The following NKAIN2 variants were observed in gnomAD, a reference collection of about 807,000 sequenced individuals.
The protein encoded by NKAIN2 is sodium/potassium-transporting ATPase subunit beta-1-interacting protein 2.
Under a neutral mutation model 32.6 loss-of-function variants are expected in NKAIN2, and 14 were observed. The ratio of observed to expected loss-of-function variants is 0.43; its 90% CI spans 0.28 to 0.67. NKAIN2 has a LOEUF of 0.67. Ranked by LOEUF, NKAIN2 falls within the 30% of genes least tolerant of loss-of-function variation. The pLI is 0.17. For synonymous variants in NKAIN2, 80 were observed against 87.2 expected, an observed-to-expected ratio of 0.92 and a Z score of 0.46; for missense variants, 198 against 258.3, an observed-to-expected ratio of 0.77 and a Z score of 1.60.
intron 1 of NKAIN2, among the ~76,000 whole-genome samples, chr6:123,890,548 A>T (rs9490989): frequency 0.012 from 1,886 of 152,216 alleles, 42 homozygotes; most frequent in African/African-American, 0.043. Context: ...GAAGAAATGC[A>T]TGTTGGGTAA....
intron 3 of NKAIN2, among the ~76,000 whole-genome samples, chr6:124,392,668 T>C (rs1773193608): frequency 6.6e-6 from 1 of 152,142 alleles, no homozygotes; most frequent in Non-Finnish European, 1.5e-5. Context: ...CAGTTGTACA[T>C]AAAAAGTGTA....
chr6:124,551,175 T>C (rs1292896372), intron 3 of NKAIN2, among the ~76,000 whole-genome samples: 1 of 152,220 alleles, frequency 6.6e-6, no homozygotes, highest in African/African-American at 2.4e-5. Context: ...GTTTTAGTGA[T>C]GTAATGGTGG....
chr6:124,220,586 T>C (rs937446805), intron 1 of NKAIN2, among the ~76,000 whole-genome samples: 1 of 151,492 alleles, frequency 6.6e-6, no homozygotes, highest in African/African-American at 2.4e-5. Context: ...AATTTTTTTC[T>C]TAGAAGAAAT....
intron 3 of NKAIN2, among the ~76,000 whole-genome samples, chr6:124,631,951 T>G (rs1047683289): frequency 6.6e-5 from 10 of 152,262 alleles, no homozygotes; most frequent in African/African-American, 2.4e-4. Flanking sequence ...GTGTATGAGA[T>G]TTGGTATCAC....
chr6:124,015,962 T>G (rs1318728594), intron 1 of NKAIN2, among the ~76,000 whole-genome samples: 1 of 152,228 alleles, frequency 6.6e-6, no homozygotes, highest in Admixed American at 6.5e-5. Context: ...ACAGTCAGTC[T>G]GCATTGCTGT....
At chr6:124,171,193 AT>A (rs1209682152) in intron 1 of NKAIN2, among the ~76,000 whole-genome samples, 1 of 152,120 alleles carries the variant, frequency 6.6e-6, no homozygotes, top group Admixed American at 6.5e-5. Flanking sequence ...TTTTGCAGCC[AT>A]ATTCTTAAGG....
intron 1 of NKAIN2, among the ~76,000 whole-genome samples, chr6:123,843,669 A>G (rs1488525553): frequency 6.6e-6 from 1 of 152,144 alleles, no homozygotes; most frequent in Admixed American, 6.5e-5. Context: ...TGTCCTTATC[A>G]TCACGAAATA....
At chr6:124,299,924 T>G (rs557657196) in intron 2 of NKAIN2, among the ~76,000 whole-genome samples, 11 of 152,340 alleles carry the variant, frequency 7.2e-5, no homozygotes, top group African/African-American at 2.4e-4. Context: ...TTCACATTAT[T>G]TCACATGGTA....
chr6:123,968,081 C>T (rs983342090), intron 1 of NKAIN2, among the ~76,000 whole-genome samples: 4 of 152,182 alleles, frequency 2.6e-5, no homozygotes, highest in African/African-American at 4.8e-5. Context: ...AGCTGGAAAG[C>T]GCAGCCACTT....
intron 3 of NKAIN2, among the ~76,000 whole-genome samples, chr6:124,389,715 TTGTG>T (rs3052704): frequency 0.52 from 74,182 of 141,726 alleles, 19,146 homozygotes; most frequent in South Asian, 0.64. Context: ...CTGTGTACAT[TTGTG>T]TGTGTGTGTG....
At chr6:124,677,875 TAACC>T (rs1450552814) in intron 4 of NKAIN2, among the ~76,000 whole-genome samples, 77 of 152,282 alleles carry the variant, frequency 5.1e-4, no homozygotes, top group African/African-American at 1.8e-3. Context: ...GGACTTCCTT[TAACC>T]TTTCTTTTTA....
At chr6:124,612,862 TA>T (rs1782744151) in intron 3 of NKAIN2, among the ~76,000 whole-genome samples, 1 of 152,196 alleles carries the variant, frequency 6.6e-6, no homozygotes, top group African/African-American at 2.4e-5. Context: ...GGTTATTATC[TA>T]TTATTTGCAT....
At chr6:124,641,529 G>GTTTT (rs1562300001) in intron 3 of NKAIN2, among the ~76,000 whole-genome samples, 2 of 23,832 alleles carry the variant, frequency 8.4e-5, no homozygotes, top group African/African-American at 1.1e-4. Context: ...TAAAACACTA[G>GTTTT]CTTTTTTTTT....
At chr6:123,985,468 C>A (rs886433131) in intron 1 of NKAIN2, among the ~76,000 whole-genome samples, 1 of 152,088 alleles carries the variant, frequency 6.6e-6, no homozygotes, top group Admixed American at 6.6e-5. Flanking sequence ...AGTTAAGGAA[C>A]AAGATGGGTC....
intron 1 of NKAIN2, among the ~76,000 whole-genome samples, chr6:123,872,856 A>T (rs943609380): frequency 6.6e-6 from 1 of 152,204 alleles, no homozygotes; most frequent in Admixed American, 6.5e-5. Context: ...TGGAACTCTA[A>T]TATTTTTAGC....
intron 1 of NKAIN2, among the ~76,000 whole-genome samples, chr6:124,230,136 G>A (rs1792373491): frequency 6.6e-6 from 1 of 152,060 alleles, no homozygotes; most frequent in African/African-American, 2.4e-5. Context: ...ATGGAGATGG[G>A]GAAACTTGTT....
intron 2 of NKAIN2, among the ~76,000 whole-genome samples, chr6:124,336,677 T>G (rs1012488274): frequency 1.4e-5 from 2 of 140,634 alleles, no homozygotes; most frequent in South Asian, 2.2e-4. Context: ...TGTTTTTTTT[T>G]GTTTGTTTTT....
At chr6:124,272,218 G>A (rs181061433) in intron 1 of NKAIN2, among the ~76,000 whole-genome samples, 8 of 152,302 alleles carry the variant, frequency 5.3e-5, no homozygotes, top group East Asian at 1.9e-4. Flanking sequence ...AGGTCTTTAC[G>A]CAGCCCTCCC....
intron 4 of NKAIN2, among the ~76,000 whole-genome samples, chr6:124,737,376 G>A (rs1044360394): frequency 6.6e-6 from 1 of 151,760 alleles, no homozygotes; most frequent in African/African-American, 2.4e-5. Context: ...ATGTGAAGAG[G>A]GACATGTTTG....
Sources: allele counts gnomAD v4.1 joint callset (sites outside exome capture counted in the v4.1 genomes callset), GRCh38; gene constraint gnomAD v4.1.1; transcripts MANE v1.5; gene names NCBI Gene and HGNC (gene_info 2026-07-23, HGNC 2026-07-21).